VWA3B: variants seen among roughly 807,000 people sequenced by gnomAD.
VWA3B encodes von Willebrand factor A domain-containing protein 3B.
VWA3B carries 138 observed loss-of-function variants against 158.3 expected under a neutral mutation model. The ratio of observed to expected loss-of-function variants is 0.87; its 90% confidence interval spans 0.76 to 1.00. The LOEUF (loss-of-function observed/expected upper bound fraction) is 1.00, where lower values mean the gene tolerates loss of function less well. Ranked by LOEUF, VWA3B falls within the 50% of genes least tolerant of loss-of-function variation. VWA3B has a pLI of 0.00. For synonymous variants in VWA3B, 596 were observed against 587.3 expected (o/e 1.01, Z -0.21); for missense variants, 1,555 against 1,565.1 (o/e 0.99, Z 0.11).
At chr2:98,180,910 C>A (rs1048615335) in intron 8 of VWA3B, 106 bp from the exon 9 acceptor site, 1 of 1,122,886 alleles carries the variant, frequency 8.9e-7, no homozygotes, top group Non-Finnish European at 1.3e-6. Flanking sequence ...GAAACATGGG[C>A]TTTGTGTCTA....
At position 98,312,041 on chromosome 2, in the gene VWA3B, G is replaced by A. The variant is rs746228180; in HGVS notation, c.3735+9G>A. 1.9e-6 allele frequency: 3 copies of A among 1,591,660 alleles called. No homozygotes were observed. Among genetic ancestry groups the A allele is most frequent in the African/African-American group, 1.3e-5 (1 of 74,326 alleles). On this transcript the variant is annotated intron_variant, in intron 27 of 27. Transcript: ENST00000477737. ...CACACCCCGAGCCCAGGGTTTGGGTGATGGGGGGGGAACACAACATCGCTT... is the reference window on the plus strand; with the variant it reads ...CACACCCCGAGCCCAGGGTTTGGGTAATGGGGGGGGAACACAACATCGCTT...
intron 23 of VWA3B, 185 bp downstream of exon 23, chr2:98,290,807 C>A: frequency 2.0e-6 from 1 of 494,072 alleles, no homozygotes; most frequent in South Asian, 4.0e-5. Flanking sequence ...TATTTGGGCC[C>A]CCCAAAAAAG....
intron 21 of VWA3B, among the ~76,000 whole-genome samples, chr2:98,257,841 G>A (rs1447853523): frequency 2.6e-5 from 4 of 151,838 alleles, no homozygotes; most frequent in Non-Finnish European, 5.9e-5. Flanking sequence ...GTCCTTGGAG[G>A]TCCAAAAGTT....
intron 9 of VWA3B, 62 bp from the exon 10 acceptor site, chr2:98,187,913 A>T (rs997153834): frequency 1.3e-6 from 2 of 1,495,094 alleles, no homozygotes; most frequent in African/African-American, 2.8e-5. Flanking sequence ...TTAAGGTGCC[A>T]TCTGGAGGCT....
At chr2:98,208,113 C>T (rs547781941) in intron 12 of VWA3B, among the ~76,000 whole-genome samples, 12 of 151,622 alleles carry the variant, frequency 7.9e-5, no homozygotes, top group African/African-American at 2.9e-4. Flanking sequence ...ATCCTAATGT[C>T]CCTTTTTGTC....
intron 15 of VWA3B, among the ~76,000 whole-genome samples, chr2:98,229,670 C>T (rs76640218): frequency 0.14 from 21,813 of 152,126 alleles, 2,169 homozygotes; most frequent in Non-Finnish European, 0.2. Flanking sequence ...TGTTTATAAC[C>T]GGCTTTCACT....
chr2:98,261,100 C>T (rs962352286), intron 21 of VWA3B, among the ~76,000 whole-genome samples: 5 of 151,720 alleles, frequency 3.3e-5, no homozygotes, highest in Non-Finnish European at 5.9e-5. Flanking sequence ...TTTTGTTCCT[C>T]AATTTGTCCA....
chr2:98,243,738 G>A (rs146545680), intron 19 of VWA3B, among the ~76,000 whole-genome samples: 1 of 152,212 alleles, frequency 6.6e-6, no homozygotes, highest in East Asian at 1.9e-4. Context: ...GAGCCTGCAG[G>A]TGTTTCAGTT....
intron 12 of VWA3B, among the ~76,000 whole-genome samples, 166 bp from the exon 13 acceptor site, chr2:98,211,764 G>A (rs559973730): frequency 2.0e-5 from 3 of 152,192 alleles, no homozygotes; most frequent in Non-Finnish European, 2.9e-5. Context: ...CATACCCTGC[G>A]ATATGTTTCT....
At chr2:98,232,443 A>G in intron 16 of VWA3B, among the ~76,000 whole-genome samples, 1 of 151,982 alleles carries the variant, frequency 6.6e-6, no homozygotes, top group East Asian at 1.9e-4. Flanking sequence ...ATGTATAATT[A>G]ATTGTTGAAG....
chr2:98,268,166 G>A (rs1004198151), intron 21 of VWA3B, among the ~76,000 whole-genome samples: 13 of 151,396 alleles, frequency 8.6e-5, no homozygotes, highest in Admixed American at 8.6e-4. Context: ...TAGAAAAAGA[G>A]GGAATCCTCC....
rs775834352 is a variant in VWA3B at position 98,194,512 on chromosome 2, G to A, written c.1737+20G>A. 85 of 1,611,976 alleles carry A rather than the reference G, an allele frequency of 5.3e-5. No individual in the cohort carries two copies. The highest frequency in any genetic ancestry group is 7.1e-5 in the Non-Finnish European group (84 of 1,178,542). On this transcript the variant is annotated intron_variant, in intron 12 of 27. Transcript: ENST00000477737. ...ATAAAGGTAAGTTGGAGACTAAGCT[G>A]GGAGAAGCATCCTAGGAGTCTCTCA...
chr2:98,268,256 A>G (rs966449785), intron 21 of VWA3B, among the ~76,000 whole-genome samples: 2 of 151,966 alleles, frequency 1.3e-5, no homozygotes, highest in African/African-American at 4.8e-5. Flanking sequence ...ATTTTAGACC[A>G]ATATCCTTGA....
chr2:98,299,930 G>A (rs1690068565), intron 24 of VWA3B, 149 bp from the exon 25 acceptor site: 3 of 1,087,542 alleles, frequency 2.8e-6, no homozygotes, highest in Non-Finnish European at 4.0e-6. Context: ...GAGAATCTTG[G>A]AACTCTTTCT....
chr2:98,135,440 A>G (rs920341193), intron 7 of VWA3B, among the ~76,000 whole-genome samples: 1 of 130,516 alleles, frequency 7.7e-6, no homozygotes, highest in Non-Finnish European at 1.6e-5. Flanking sequence ...GGTTCACGCC[A>G]TTCTCCTGCC....
chr2:98,305,624 C>G (rs1309361258), intron 26 of VWA3B, among the ~76,000 whole-genome samples: 1 of 152,158 alleles, frequency 6.6e-6, no homozygotes, highest in Non-Finnish European at 1.5e-5. Context: ...AAACCTGCTC[C>G]CATCTCGGGC....
intron 3 of VWA3B, among the ~76,000 whole-genome samples, chr2:98,117,530 T>G (rs995212611): frequency 6.6e-6 from 1 of 152,092 alleles, no homozygotes; most frequent in African/African-American, 2.4e-5. Context: ...CATTAGGGGC[T>G]GCTGGCAATG....
At chr2:98,261,613 T>G in intron 21 of VWA3B, among the ~76,000 whole-genome samples, 1 of 151,726 alleles carries the variant, frequency 6.6e-6, no homozygotes, top group East Asian at 1.9e-4. Flanking sequence ...CTCTCTTACC[T>G]TTTATTTATC....
chr2:98,091,358 T>C (rs973498631), intron 1 of VWA3B, among the ~76,000 whole-genome samples: 2 of 152,194 alleles, frequency 1.3e-5, no homozygotes, highest in South Asian at 2.1e-4. Flanking sequence ...GTAACTGATA[T>C]GGTATGAAGA....
Sources: allele counts gnomAD v4.1 joint callset (sites outside exome capture counted in the v4.1 genomes callset), GRCh38; gene constraint gnomAD v4.1.1; transcripts MANE v1.5; gene names NCBI Gene and HGNC (gene_info 2026-07-23, HGNC 2026-07-21).